Variants in PARN observed in about 807,000 individuals in gnomAD.
The protein encoded by PARN is poly(A)-specific ribonuclease PARN.
In PARN, 71 loss-of-function variants were observed where a neutral mutation model predicts 102.8. That is an observed-to-expected ratio of 0.69 (90% CI 0.57 to 0.84). PARN has a LOEUF of 0.84. PARN is among the 40% of genes least tolerant of loss of function. PARN has a pLI of 0.00. For synonymous variants in PARN, 261 were observed against 252.9 expected (o/e 1.03, Z -0.30); for missense variants, 782 against 760.9 (o/e 1.03, Z -0.33).
At chr16:14,524,529 G>C (rs771350883) in intron 21 of PARN, among the ~76,000 whole-genome samples, 1 of 152,152 alleles carries the variant, frequency 6.6e-6, no homozygotes, top group East Asian at 1.9e-4. Context: ...GCAAGCATTC[G>C]AAGTGGGGAA....
At position 14,599,907 on chromosome 16, in the gene PARN, A is replaced by G; in HGVS notation, c.837T>C (p.Asn279=). The G allele has an allele frequency of 6.3e-7, 1 of 1,599,048 alleles. No individual in the cohort carries two copies. Among genetic ancestry groups the G allele is most frequent in the Non-Finnish European group, 8.5e-7 (1 of 1,170,916 alleles). Residue 279 remains asparagine (N), a synonymous_variant, in exon 12 of 24, where the codon AAT becomes AAC. Coordinates refer to ENST00000437198, the MANE Select transcript of PARN (RefSeq NM_002582.4). ...GFSRVIHAIA[N]SGKLVIGHNM... ...CTAAAAAGTCTGGCTCACTTACCGA[A>G]TTAGCAATGGCGTGAATGACTCTAG...
At chr16:14,544,383 T>G (rs889436914) in intron 21 of PARN, among the ~76,000 whole-genome samples, 1 of 152,060 alleles carries the variant, frequency 6.6e-6, no homozygotes. Context: ...GAGATCAGCC[T>G]GGGCAACATG....
At position 14,613,601 on chromosome 16, in the gene PARN, C is replaced by T. The variant is rs376989712; in HGVS notation, c.389-2792G>A. Reference sequence around the variant, plus strand: ...TCACGCCACTGCACTCCAGCCTGGACGACAGGGTGAGACAGTCTCAAAACA... The same window carrying T: ...TCACGCCACTGCACTCCAGCCTGGATGACAGGGTGAGACAGTCTCAAAACA... On this transcript the variant is annotated intron_variant, in intron 6 of 23. Coordinates refer to ENST00000437198, the MANE Select transcript of PARN (RefSeq NM_002582.4). 1.4e-4 allele frequency among the ~76,000 whole-genome samples: 22 copies of T among 152,102 alleles called. No individual in the cohort carries two copies. In the East Asian group the frequency reaches 3.3e-3, roughly 23 times the overall value.
At chr16:14,508,740 GAA>G (rs112398860) in intron 21 of PARN, among the ~76,000 whole-genome samples, 9 of 143,536 alleles carry the variant, frequency 6.3e-5, no homozygotes, top group Admixed American at 2.1e-4. Flanking sequence ...GTGGAAACTT[GAA>G]AAAAAAAAAA....
chr16:14,501,331 G>A (rs1964580167), intron 21 of PARN, among the ~76,000 whole-genome samples: 1 of 145,288 alleles, frequency 6.9e-6, no homozygotes, highest in African/African-American at 2.5e-5. Context: ...TAATTAGTCT[G>A]GAGTGGTGGT....
At chr16:14,441,920 A>T (rs1334715899) in intron 23 of PARN, among the ~76,000 whole-genome samples, 7 of 152,192 alleles carry the variant, frequency 4.6e-5, no homozygotes, top group Admixed American at 2.6e-4. Context: ...TTTCAGCTTG[A>T]AAAGTTCAGC....
At chr16:14,528,244 A>G (rs531158876) in intron 21 of PARN, among the ~76,000 whole-genome samples, 1 of 152,350 alleles carries the variant, frequency 6.6e-6, no homozygotes, top group South Asian at 2.1e-4. Context: ...TCTGTAACAG[A>G]AAGCTGCTCT....
At chr16:14,440,394 A>G (rs1204466063) in intron 23 of PARN, among the ~76,000 whole-genome samples, 3 of 152,220 alleles carry the variant, frequency 2.0e-5, no homozygotes, top group Non-Finnish European at 4.4e-5. Context: ...AGCCTTGTAT[A>G]CTGCTGGGGG....
At chr16:14,442,823 G>C (rs1222708037) in intron 23 of PARN, among the ~76,000 whole-genome samples, 1 of 152,196 alleles carries the variant, frequency 6.6e-6, no homozygotes, top group Non-Finnish European at 1.5e-5. Context: ...GGCCAGGCTG[G>C]TCTCGAACTC....
chr16:14,614,125 T>C (rs758625073), intron 6 of PARN, among the ~76,000 whole-genome samples: 6 of 151,894 alleles, frequency 4.0e-5, no homozygotes, highest in Admixed American at 2.0e-4. Context: ...GACATGATGG[T>C]GTGCACCTAT....
intron 18 of PARN, among the ~76,000 whole-genome samples, chr16:14,571,322 A>C (rs1968796763): frequency 6.6e-6 from 1 of 151,002 alleles, no homozygotes; most frequent in African/African-American, 2.4e-5. Context: ...GCACCACTGC[A>C]CTCCAGCCTG....
intron 6 of PARN, among the ~76,000 whole-genome samples, chr16:14,615,278 T>C (rs1288452773): frequency 6.6e-6 from 1 of 150,876 alleles, no homozygotes; most frequent in Non-Finnish European, 1.5e-5. Flanking sequence ...CACATTCCAA[T>C]CTGGCTGTTT....
chr16:14,611,810 C>T (rs1399008838), intron 6 of PARN, among the ~76,000 whole-genome samples: 2 of 152,274 alleles, frequency 1.3e-5, no homozygotes, highest in East Asian at 1.9e-4. Flanking sequence ...GCTGGGATTA[C>T]AGGCGGGAGC....
chr16:14,456,588 C>T (rs1961690039), intron 22 of PARN, among the ~76,000 whole-genome samples: 1 of 152,140 alleles, frequency 6.6e-6, no homozygotes, highest in African/African-American at 2.4e-5. Flanking sequence ...GCAACATTCT[C>T]ATATTTGGTA....
chr16:14,565,954 T>G (rs1567392394), intron 18 of PARN, among the ~76,000 whole-genome samples: 1 of 152,244 alleles, frequency 6.6e-6, no homozygotes, highest in African/African-American at 2.4e-5. Flanking sequence ...CCAAATTTCT[T>G]AGAGTATACT....
chr16:14,438,073 G>A (rs952947478), intron 23 of PARN, among the ~76,000 whole-genome samples: 1 of 152,118 alleles, frequency 6.6e-6, no homozygotes, highest in African/African-American at 2.4e-5. Context: ...TAAAGATGGC[G>A]AGACCACTCT....
intron 21 of PARN, among the ~76,000 whole-genome samples, chr16:14,515,180 T>C (rs1269864884): frequency 6.6e-6 from 1 of 152,176 alleles, no homozygotes; most frequent in Admixed American, 6.5e-5. Context: ...TCTTGCTATA[T>C]TGCCCAGGCT....
At chr16:14,441,222 G>A (rs1218961177) in intron 23 of PARN, among the ~76,000 whole-genome samples, 1 of 152,100 alleles carries the variant, frequency 6.6e-6, no homozygotes, top group Non-Finnish European at 1.5e-5. Flanking sequence ...GTTGGGGGCT[G>A]GGGGCTTAAT....
chr16:14,537,340 G>A (rs1322198716), intron 21 of PARN, among the ~76,000 whole-genome samples: 1 of 152,144 alleles, frequency 6.6e-6, no homozygotes, highest in Non-Finnish European at 1.5e-5. Context: ...CACTGTTGGT[G>A]GGATGGAAAA....
Sources: allele counts gnomAD v4.1 joint callset (sites outside exome capture counted in the v4.1 genomes callset), GRCh38; gene constraint gnomAD v4.1.1; transcripts MANE v1.5; gene names NCBI Gene and HGNC (gene_info 2026-07-23, HGNC 2026-07-21).